Variants in ATP10B observed in about 807,000 individuals in gnomAD.
ATP10B encodes the protein phospholipid-transporting ATPase VB.
In ATP10B, 122 loss-of-function variants were observed where a neutral mutation model predicts 141.2. The observed-to-expected ratio is 0.86, with a 90% CI of 0.75 to 1.00. The LOEUF (loss-of-function observed/expected upper bound fraction) is 1.00. ATP10B is among the 50% of genes least tolerant of loss of function. ATP10B has a pLI of 0.00. For synonymous variants in ATP10B, 685 were observed against 692.0 expected (o/e 0.99, Z 0.16); for missense variants, 1,876 against 1,825.3 (o/e 1.03, Z -0.51).
At chr5:160,646,451 C>G (rs116300679) in intron 8 of ATP10B, among the ~76,000 whole-genome samples, 2,461 of 152,180 alleles carry the variant, frequency 0.016, 29 homozygotes, top group Non-Finnish European at 0.024. Flanking sequence ...ATCCTGGTTT[C>G]CCATAGGGCC....
chr5:160,570,825 T>C (rs1480202471), intron 24 of ATP10B, among the ~76,000 whole-genome samples: 1 of 152,228 alleles, frequency 6.6e-6, no homozygotes, highest in Non-Finnish European at 1.5e-5. Flanking sequence ...ATTTCATTGT[T>C]CTTGAAATTT....
intron 3 of ATP10B, among the ~76,000 whole-genome samples, chr5:160,699,384 G>A (rs1581378555): frequency 6.6e-6 from 1 of 152,210 alleles, no homozygotes; most frequent in South Asian, 2.1e-4. Context: ...AATCAGTGCT[G>A]AGCTGAGAGG....
chr5:160,806,072 C>T (rs1275555533), intron 1 of ATP10B, among the ~76,000 whole-genome samples: 1 of 152,176 alleles, frequency 6.6e-6, no homozygotes, highest in Admixed American at 6.5e-5. Context: ...TTTGTGTTCT[C>T]TTTTGGTCCT....
At chr5:160,675,026 A>G (rs1005146492) in intron 6 of ATP10B, among the ~76,000 whole-genome samples, 2 of 152,170 alleles carry the variant, frequency 1.3e-5, no homozygotes, top group African/African-American at 4.8e-5. Context: ...ACACAGCCCA[A>G]GGGGGTTCAG....
rs1483882885 is a variant in ATP10B at position 160,564,827 on chromosome 5, A to G, written c.*626T>C. The G allele has an allele frequency of 1.3e-5, 2 of 152,652 alleles. No homozygotes were observed. Among genetic ancestry groups the G allele is most frequent in the Non-Finnish European group, 2.9e-5 (2 of 68,458 alleles). The allele number at this position is 152,652 out of a possible 1,614,324, so 9.5% of individuals were successfully genotyped here. ...TAGCTGTGACCCTAAAACACTCAGAAGAGTCTGTGACACTGAGTTCAAATC... is the reference window on the plus strand; with the variant it reads ...TAGCTGTGACCCTAAAACACTCAGAGGAGTCTGTGACACTGAGTTCAAATC... On this transcript the variant is annotated 3_prime_UTR_variant, in exon 26 of 26. Coordinates refer to ENST00000327245, the MANE Select transcript of ATP10B (RefSeq NM_025153.3).
rs1351969263 is a variant in ATP10B, at chr5:160,606,955, C to T, written c.2970G>A (p.Val990=). 3 of 1,614,044 alleles carry T rather than the reference C, an allele frequency of 1.9e-6. No homozygotes were observed. The highest frequency in any genetic ancestry group is 2.5e-6 in the Non-Finnish European group (3 of 1,180,030). The change falls in exon 19 of 26, where the codon GTG becomes GTA. Residue 990 remains valine (V), a synonymous_variant. Transcript: ENST00000327245. Reference sequence around the variant, plus strand: ...CGATGACCAATCCAGCTTCTGGAACCACAGCTTCTGAGGTGATGGATGGTG... The same window carrying T: ...CGATGACCAATCCAGCTTCTGGAACTACAGCTTCTGAGGTGATGGATGGTG... ...SKTPSITSEA[V]VPEAGLVIDG...
chr5:160,725,332 G>A (rs894503956), intron 2 of ATP10B, among the ~76,000 whole-genome samples: 3 of 152,168 alleles, frequency 2.0e-5, no homozygotes, highest in South Asian at 4.1e-4. Context: ...CACTAAGAAT[G>A]TCTGTGACTT....
At chr5:160,694,946 CA>C (rs1764278220) in intron 3 of ATP10B, among the ~76,000 whole-genome samples, 1 of 152,186 alleles carries the variant, frequency 6.6e-6, no homozygotes, top group Non-Finnish European at 1.5e-5. Flanking sequence ...AATTGGGCAG[CA>C]CTTCATTTCA....
chr5:160,737,820 C>A (rs2127802602), intron 2 of ATP10B, among the ~76,000 whole-genome samples: 1 of 151,890 alleles, frequency 6.6e-6, no homozygotes, highest in Middle Eastern at 3.4e-3. Flanking sequence ...ATATGTAAAG[C>A]AAACAATTAA....
At chr5:160,888,350 C>A in the ATP10B span, among the ~76,000 whole-genome samples, 1 of 152,190 alleles carries the variant, frequency 6.6e-6, no homozygotes, top group Non-Finnish European at 1.5e-5. Flanking sequence ...GAAGGCAGCA[C>A]CAATTTTCAG....
At chr5:160,788,007 T>G (rs571439440) in intron 1 of ATP10B, among the ~76,000 whole-genome samples, 1 of 152,252 alleles carries the variant, frequency 6.6e-6, no homozygotes, top group African/African-American at 2.4e-5. Flanking sequence ...TGGGGTAAAG[T>G]TTTGCCCCTG....
intron 19 of ATP10B, among the ~76,000 whole-genome samples, chr5:160,604,534 T>C (rs190186236): frequency 1.1e-4 from 17 of 152,224 alleles, no homozygotes; most frequent in Admixed American, 2.0e-4. Context: ...CTGGACAGTT[T>C]GGAGAGTGAA....
rs996657428 is a variant in ATP10B, at chr5:160,640,317, C to T, written c.1000+144G>A. ...ACTACTTTTAGGAGATTTTCTCTTG[C>T]ATTTTCATTTCATTGGCATCCCGTT... On this transcript the variant is annotated intron_variant, in intron 10 of 25. Transcript: ENST00000327245. 50 of 827,454 alleles carry T rather than the reference C, an allele frequency of 6.0e-5. No individual in the cohort carries two copies. In the Admixed American group the frequency reaches 1.1e-3, roughly 18 times the overall value. 51.3% of individuals were successfully genotyped at this position (827,454 alleles called of 1,614,324 possible). A position where few individuals can be genotyped will look rare whatever the true frequency, so the allele number is the denominator to read the frequency against.
chr5:160,816,210 G>C (rs1773609038), intron 1 of ATP10B, among the ~76,000 whole-genome samples: 1 of 124,200 alleles, frequency 8.1e-6, no homozygotes, highest in Admixed American at 8.1e-5. Flanking sequence ...ATGAATCCAG[G>C]AGCTGATTTT....
intron 22 of ATP10B, among the ~76,000 whole-genome samples, chr5:160,591,772 C>CCA (rs1756308843): frequency 6.6e-6 from 1 of 152,122 alleles, no homozygotes; most frequent in Non-Finnish European, 1.5e-5. Flanking sequence ...AAGGAATTTG[C>CCA]TATGCAGTCA....
chr5:160,767,042 G>C (rs1158967978), intron 2 of ATP10B, among the ~76,000 whole-genome samples: 1 of 151,574 alleles, frequency 6.6e-6, no homozygotes, highest in Non-Finnish European at 1.5e-5. Context: ...GCTTCGCCGG[G>C]CCACAATGGA....
intron 13 of ATP10B, among the ~76,000 whole-genome samples, chr5:160,626,573 T>C (rs568257051): frequency 6.6e-6 from 1 of 152,344 alleles, no homozygotes; most frequent in East Asian, 1.9e-4. Context: ...TGCCAAAGTC[T>C]AAACCCTTTA....
chr5:160,703,529 G>A (rs541647400), intron 3 of ATP10B, among the ~76,000 whole-genome samples: 2 of 151,792 alleles, frequency 1.3e-5, no homozygotes, highest in Non-Finnish European at 1.5e-5. Flanking sequence ...TCAGGCTGGA[G>A]TGCATGGTGC....
chr5:160,873,935 C>A, the ATP10B span, among the ~76,000 whole-genome samples: 1 of 152,252 alleles, frequency 6.6e-6, no homozygotes, highest in Non-Finnish European at 1.5e-5. Flanking sequence ...GATCAAACTG[C>A]AAGGCGGCAG....
Sources: gnomAD v4.1 joint callset for allele counts (sites outside exome capture counted in the v4.1 genomes callset) on GRCh38, gnomAD v4.1.1 for gene constraint, MANE v1.5 for transcripts, NCBI Gene and HGNC (gene_info 2026-07-23, HGNC 2026-07-21) for gene names.